Variants in ATP5F1E observed in about 807,000 individuals in gnomAD.
The protein encoded by ATP5F1E is ATP synthase F1 subunit epsilon.
A neutral mutation model predicts 7.0 loss-of-function variants in ATP5F1E; 5 were observed. That is an observed-to-expected ratio of 0.71 (90% CI 0.37 to 1.49). The LOEUF (loss-of-function observed/expected upper bound fraction) is 1.49. Ranked by LOEUF, ATP5F1E falls within the 40% of genes most tolerant of loss-of-function variation. The pLI, the probability that ATP5F1E is intolerant of heterozygous loss-of-function variation, is 0.03. For synonymous variants in ATP5F1E, 20 were observed against 20.1 expected (o/e 0.99, Z 0.02); for missense variants, 59 against 57.1 (o/e 1.03, Z -0.11).
rs1333515914 is a variant in ATP5F1E at position 59,026,968 on chromosome 20, G to C, written c.*1877C>G. ...AGTGGGATACTCATTAAGTTGGTCT[G>C]ACTGGGGTCACCTCATCACTGGGCA... On this transcript the variant is annotated 3_prime_UTR_variant, in exon 3 of 3. Coordinates refer to ENST00000243997, the MANE Select transcript of ATP5F1E (RefSeq NM_006886.4). 2 of 152,208 alleles carry C rather than the reference G, an allele frequency of 1.3e-5. No homozygotes were observed. Among genetic ancestry groups the C allele is most frequent in the East Asian group, 1.9e-4 (1 of 5,196 alleles). 9.4% of individuals were successfully genotyped at this position (152,208 alleles called of 1,614,324 possible).
rs763073790 is a variant in ATP5F1E, at chr20:59,028,529, A to G, written c.*316T>C. On this transcript the variant is annotated 3_prime_UTR_variant, in exon 3 of 3. Coordinates refer to ENST00000243997, the MANE Select transcript of ATP5F1E (RefSeq NM_006886.4). ...TGTCATGAAACAACTATTTTGAGAC[A>G]TTTTCAAAATGCTTTCTGTATCCCT... is the stretch of plus-strand genomic sequence containing the variant. 2 of 154,822 alleles carry G rather than the reference A, an allele frequency of 1.3e-5. No individual in the cohort carries two copies. The highest frequency in any genetic ancestry group is 2.9e-5 in the Non-Finnish European group (2 of 68,050). The allele number at this position is 154,822 out of a possible 1,614,324, so 9.6% of individuals were successfully genotyped here. A position where few individuals can be genotyped will look rare whatever the true frequency, so the allele number is the denominator to read the frequency against.
rs143457186 is a variant in ATP5F1E at position 59,026,970 on chromosome 20, C to T, written c.*1875G>A. 6.6e-6 allele frequency: 1 copy of T among 152,316 alleles called. No individual in the cohort carries two copies. The highest frequency in any genetic ancestry group is 1.9e-4 in the East Asian group (1 of 5,186). 9.4% of individuals were successfully genotyped at this position (152,316 alleles called of 1,614,324 possible). On this transcript the variant is annotated 3_prime_UTR_variant, in exon 3 of 3. Coordinates refer to ENST00000243997, the MANE Select transcript of ATP5F1E (RefSeq NM_006886.4). ...TGGGATACTCATTAAGTTGGTCTGA[C>T]TGGGGTCACCTCATCACTGGGCACA...
chr20:59,026,075 T>C lies in ATP5F1E; in HGVS notation c.*2770A>G, dbSNP rs2091992915. The stretch of plus-strand genomic sequence containing the variant: ...ATGCTCCGACCCTCAATGCAGTAAA[T>C]ATTTACTTGCAGGCAACTGGGTTCT... On this transcript the variant is annotated 3_prime_UTR_variant, in exon 3 of 3. Transcript: ENST00000243997. 2 of 152,286 alleles carry C rather than the reference T, an allele frequency of 1.3e-5. No individual in the cohort carries two copies. The highest frequency in any genetic ancestry group is 1.3e-4 in the Admixed American group (2 of 15,302). The allele number at this position is 152,286 out of a possible 1,614,324, so 9.4% of individuals were successfully genotyped here.
Position 59,030,345 on chromosome 20 carries a change from A to T in ATP5F1E, c.117T>A (p.Ser39=), listed in dbSNP as rs370578017. The T allele has an allele frequency of 3.1e-6, 5 of 1,613,888 alleles. No homozygotes were observed. In the African/African-American group the frequency reaches 5.3e-5, roughly 17 times the overall value. Residue 39 remains serine (S), a synonymous_variant, in exon 2 of 3, where the codon TCT becomes TCA. Transcript: ENST00000243997. ...CTTTCACAATTTTTACGTTGCTGCC[A>T]GAAGTCTTCTCAGCATTTGCTTTGA... ...TEFKANAEKT[S]GSNVKIVKVK...
In ATP5F1E at chr20:59,026,614, CTTTA is replaced by C. The variant is rs1292514969; in HGVS notation, c.*2227_*2230del. On this transcript the variant is annotated 3_prime_UTR_variant, in exon 3 of 3. Coordinates refer to ENST00000243997, the MANE Select transcript of ATP5F1E (RefSeq NM_006886.4). ...AATTCAATTTTAAATGGCAAAATTG[CTTTA>C]TTTCAGACTAAATAAATTCCTTTTC... 1.3e-5 allele frequency: 2 copies of C among 152,182 alleles called. No individual in the cohort carries two copies. Among genetic ancestry groups the C allele is most frequent in the African/African-American group, 4.8e-5 (2 of 41,454 alleles). The allele number at this position is 152,182 out of a possible 1,614,324, so 9.4% of individuals were successfully genotyped here. A position where few individuals can be genotyped will look rare whatever the true frequency, so the allele number is the denominator to read the frequency against.
chr20:59,032,139 CTG>C, intron 1 of ATP5F1E, 79 bp downstream of exon 1: 1 of 1,537,422 alleles, frequency 6.5e-7, no homozygotes, highest in Non-Finnish European at 8.8e-7. Context: ...GGCCGCTGCT[CTG>C]TGTCCTGCAT....
Position 59,030,315 on chromosome 20 carries a change from CTTT to C in ATP5F1E, c.144_146del (p.Lys50del). 6.2e-7 allele frequency: 1 copy of C among 1,613,696 alleles called. No individual in the cohort carries two copies. Among genetic ancestry groups the C allele is most frequent in the Non-Finnish European group, 8.5e-7 (1 of 1,179,748 alleles). On this transcript the variant is annotated inframe_deletion, in exon 2 of 3. Coordinates refer to ENST00000243997, the MANE Select transcript of ATP5F1E (RefSeq NM_006886.4). ...ATCCATAACTTACAGATTATTCCTTCTTTACTTTCACAATTTTTACGTTGCTGC... is the reference window on the plus strand; with the variant it reads ...ATCCATAACTTACAGATTATTCCTTCACTTTCACAATTTTTACGTTGCTGC...
At chr20:59,029,307 T>C (rs2092010792) in intron 2 of ATP5F1E, 1 of 152,128 alleles carries the variant, frequency 6.6e-6, no homozygotes, top group South Asian at 2.1e-4. Context: ...TAAAACCAGG[T>C]CTCATTACTC....
rs536830751 is a variant in ATP5F1E, at chr20:59,032,229, G to A, written c.23C>T (p.Ala8Val). Residue 8 changes from alanine (A) to valine (V), a missense_variant, in exon 1 of 3, where the codon GCT becomes GTT. Physicochemically the swap from Ala to Val is moderately conservative, Grantham distance 64. Transcript: ENST00000243997. The stretch of plus-strand genomic sequence containing the variant: ...GGAGGCCTGGGCCTACCTGAGTCCA[G>A]CCTGTCTCCAGTAGGCCACCATGCT... MVAYWRQ[A>V]GLSYIRYSQI... is the part of the protein sequence containing the mutation. The A allele has an allele frequency of 3.6e-5, 57 of 1,594,114 alleles. No homozygotes were observed. Among genetic ancestry groups the A allele is most frequent in the Middle Eastern group, 1.7e-4 (1 of 5,804 alleles).
In ATP5F1E at chr20:59,030,396, T is replaced by C. The variant is rs200516939; in HGVS notation, c.66A>G (p.Ala22=). The stretch of plus-strand genomic sequence containing the variant: ...ATTCTGTCTTCAGTGCATCTCTCAC[T>C]GCTTTTGCACAGATCTGGGAGTATC... ...YIRYSQICAK[A]VRDALKTEFK... Residue 22 remains alanine (A), a synonymous_variant, in exon 2 of 3, where the codon GCA becomes GCG. Transcript: ENST00000243997. 1.2e-6 allele frequency: 2 copies of C among 1,613,824 alleles called. No homozygotes were observed. The highest frequency in any genetic ancestry group is 1.7e-6 in the Non-Finnish European group (2 of 1,179,884).
chr20:59,031,231 A>G (rs2092026248), intron 1 of ATP5F1E, among the ~76,000 whole-genome samples: 1 of 152,228 alleles, frequency 6.6e-6, no homozygotes, highest in Admixed American at 6.5e-5. Flanking sequence ...CAGGCTGTTC[A>G]ACCTTTTCAG....
chr20:59,031,774 G>A (rs903343345), intron 1 of ATP5F1E, among the ~76,000 whole-genome samples: 14 of 152,220 alleles, frequency 9.2e-5, no homozygotes, highest in South Asian at 2.1e-4. Context: ...AGTTGTAAAA[G>A]GCTCCACCTC....
chr20:59,030,865 A>T (rs2092023329), intron 1 of ATP5F1E, among the ~76,000 whole-genome samples: 1 of 152,250 alleles, frequency 6.6e-6, no homozygotes, highest in African/African-American at 2.4e-5. Context: ...ATAAGAGAAA[A>T]CTATTTTGAA....
chr20:59,029,978 A>G, intron 2 of ATP5F1E: 1 of 336,452 alleles, frequency 3.0e-6, no homozygotes, highest in Non-Finnish European at 5.8e-6. Context: ...ACAAGTGGGG[A>G]GTTCATCCTC....
chr20:59,030,456 G>A, intron 1 of ATP5F1E, 27 bp from the exon 2 acceptor site: 1 of 1,612,248 alleles, frequency 6.2e-7, no homozygotes, highest in African/African-American at 1.3e-5. Flanking sequence ...GAAGGTATAT[G>A]GTTAATTATC....
At chr20:59,029,616 G>A (rs2092013246) in intron 2 of ATP5F1E, 1 of 152,206 alleles carries the variant, frequency 6.6e-6, no homozygotes, top group South Asian at 2.1e-4. Context: ...TGTCAAGAAA[G>A]TACTTTAGAG....
At chr20:59,030,938 A>T (rs2092023875) in intron 1 of ATP5F1E, among the ~76,000 whole-genome samples, 1 of 152,236 alleles carries the variant, frequency 6.6e-6, no homozygotes, top group Non-Finnish European at 1.5e-5. Context: ...CTGTCTCACA[A>T]GTCTGCCACT....
intron 2 of ATP5F1E, chr20:59,029,587 C>A (rs954976222): frequency 6.6e-6 from 1 of 152,178 alleles, no homozygotes; most frequent in African/African-American, 2.4e-5. Flanking sequence ...ATTTGCCTTG[C>A]CTACTTTTGA....
At chr20:59,029,894 T>C (rs187745410) in intron 2 of ATP5F1E, 1 of 259,358 alleles carries the variant, frequency 3.9e-6, no homozygotes, top group African/African-American at 2.3e-5. Flanking sequence ...TTAGTGGTTG[T>C]GGGGGAAATA....
Sources: allele counts gnomAD v4.1 joint callset (sites outside exome capture counted in the v4.1 genomes callset), GRCh38; gene constraint gnomAD v4.1.1; transcripts MANE v1.5; gene names NCBI Gene and HGNC (gene_info 2026-07-23, HGNC 2026-07-21).